Variants in SPHKAP observed in about 807,000 individuals in gnomAD.
SPHKAP encodes SPHK1 interactor, AKAP domain containing.
In SPHKAP, 67 loss-of-function variants were observed where a neutral mutation model predicts 137.5. That is an observed-to-expected ratio of 0.49 (90% CI 0.40 to 0.60). The LOEUF is 0.60. SPHKAP is among the 20% of genes least tolerant of loss of function. SPHKAP has a pLI of 0.00. For missense variants in SPHKAP, 2,097 were observed against 2,069.3 expected (o/e 1.01, Z -0.26); for synonymous variants, 813 against 785.3 (o/e 1.04, Z -0.59).
intron 1 of SPHKAP, among the ~76,000 whole-genome samples, chr2:228,141,888 C>A (rs1049185435): frequency 2.0e-5 from 3 of 152,124 alleles, no homozygotes; most frequent in Non-Finnish European, 4.4e-5. Flanking sequence ...TTAATGGTTA[C>A]ATTAAAAATA....
intron 1 of SPHKAP, among the ~76,000 whole-genome samples, chr2:228,141,222 A>G (rs899891061): frequency 6.6e-6 from 1 of 152,178 alleles, no homozygotes; most frequent in Non-Finnish European, 1.5e-5. Flanking sequence ...TCTACCAGTT[A>G]CTAGAGAGAT....
chr2:228,023,441 G>A (rs1359174176), intron 5 of SPHKAP, among the ~76,000 whole-genome samples: 1 of 152,178 alleles, frequency 6.6e-6, no homozygotes, highest in Non-Finnish European at 1.5e-5. Flanking sequence ...TGTTGGAGAT[G>A]TGTACATGCA....
At chr2:228,109,435 A>G (rs912752859) in intron 2 of SPHKAP, 1 of 912,704 alleles carries the variant, frequency 1.1e-6, no homozygotes, top group African/African-American at 1.8e-5. Flanking sequence ...GTACTATGTT[A>G]AGTTTAAAAG....
intron 7 of SPHKAP, among the ~76,000 whole-genome samples, chr2:228,005,399 G>C (rs1295510761): frequency 6.6e-6 from 1 of 152,026 alleles, no homozygotes; most frequent in Non-Finnish European, 1.5e-5. Context: ...TTTTCCATTT[G>C]CTTGGTAGAT....
chr2:228,143,255 G>C (rs1181306615), intron 1 of SPHKAP, among the ~76,000 whole-genome samples: 1 of 151,930 alleles, frequency 6.6e-6, no homozygotes, highest in East Asian at 1.9e-4. Context: ...TAAAATATAA[G>C]ACTGGGCCAG....
At chr2:228,144,342 T>C (rs1406683252) in intron 1 of SPHKAP, among the ~76,000 whole-genome samples, 1 of 152,226 alleles carries the variant, frequency 6.6e-6, no homozygotes, top group Non-Finnish European at 1.5e-5. Flanking sequence ...ATTTCATGAA[T>C]GCACTTATCT....
At chr2:228,063,043 A>T (rs988321671) in intron 3 of SPHKAP, among the ~76,000 whole-genome samples, 1 of 152,188 alleles carries the variant, frequency 6.6e-6, no homozygotes, top group African/African-American at 2.4e-5. Flanking sequence ...GTTCTAGGTG[A>T]GAATACTGTT....
In SPHKAP at chr2:228,181,471, A is replaced by G. The variant is rs1407919485; in HGVS notation, c.32+96T>C. 6.4e-7 allele frequency: 1 copy of G among 1,571,102 alleles called. No individual in the cohort carries two copies. Among genetic ancestry groups the G allele is most frequent in the African/African-American group, 1.3e-5 (1 of 74,088 alleles). On this transcript the variant is annotated intron_variant, in intron 1 of 11. Coordinates refer to ENST00000392056, the MANE Select transcript of SPHKAP (RefSeq NM_001142644.2). The surrounding 1 kb of genome is among the most constrained non-coding windows in gnomAD (Gnocchi z 4.3). ...TGTCTCCTCGCTGGGAGCCCCGTGC[A>G]AACCGAAGCGCTCTGGGGCAAGTTG...
chr2:227,990,601 C>T (rs1397740571), intron 11 of SPHKAP, among the ~76,000 whole-genome samples: 1 of 152,124 alleles, frequency 6.6e-6, no homozygotes, highest in African/African-American at 2.4e-5. Flanking sequence ...TTAAAAATGC[C>T]TTCTCTTGGC....
chr2:228,142,409 T>C (rs938040729), intron 1 of SPHKAP, among the ~76,000 whole-genome samples: 10 of 151,924 alleles, frequency 6.6e-5, no homozygotes, highest in Admixed American at 1.3e-4. Context: ...GAGGCAGAGC[T>C]TGCAGTGAGC....
intron 3 of SPHKAP, among the ~76,000 whole-genome samples, chr2:228,092,281 G>A (rs1416361447): frequency 2.5e-5 from 3 of 120,984 alleles, no homozygotes; most frequent in African/African-American, 6.2e-5. Flanking sequence ...ACACGTGTAT[G>A]TGCGTGTATA....
intron 1 of SPHKAP, among the ~76,000 whole-genome samples, chr2:228,166,726 A>G (rs967672899): frequency 6.6e-6 from 1 of 152,204 alleles, no homozygotes; most frequent in African/African-American, 2.4e-5. Context: ...ACTATGATCT[A>G]TAAGAGCTGA....
At chr2:228,095,626 A>C (rs1397104133) in intron 3 of SPHKAP, among the ~76,000 whole-genome samples, 1 of 152,196 alleles carries the variant, frequency 6.6e-6, no homozygotes. Flanking sequence ...GCTAGAGAGA[A>C]GAGATAGTAT....
intron 3 of SPHKAP, among the ~76,000 whole-genome samples, chr2:228,061,496 T>C (rs940465494): frequency 2.0e-5 from 3 of 152,064 alleles, no homozygotes; most frequent in African/African-American, 4.8e-5. Context: ...GGTCTTGAAC[T>C]CCTGACCTCA....
chr2:228,116,885 G>T (rs935257259), intron 2 of SPHKAP, among the ~76,000 whole-genome samples: 70 of 152,182 alleles, frequency 4.6e-4, no homozygotes, highest in African/African-American at 1.7e-3. Flanking sequence ...TAATCCACAG[G>T]TTTAATAAAC....
intron 3 of SPHKAP, among the ~76,000 whole-genome samples, chr2:228,031,673 T>C (rs2396524): frequency 0.59 from 89,196 of 151,972 alleles, 27,044 homozygotes; most frequent in African/African-American, 0.74. Flanking sequence ...ACAAAACTTC[T>C]AGAAGAACGA....
At chr2:228,130,792 CT>C (rs1341128275) in intron 2 of SPHKAP, among the ~76,000 whole-genome samples, 1 of 151,992 alleles carries the variant, frequency 6.6e-6, no homozygotes, top group Non-Finnish European at 1.5e-5. Context: ...ATTATAGCGC[CT>C]TAGTTCCCTG....
chr2:228,029,191 T>G (rs1280154329), intron 3 of SPHKAP, among the ~76,000 whole-genome samples: 1 of 152,238 alleles, frequency 6.6e-6, no homozygotes, highest in Non-Finnish European at 1.5e-5. Context: ...TCCAAAGGTT[T>G]TTATTTCTAA....
intron 3 of SPHKAP, among the ~76,000 whole-genome samples, chr2:228,042,526 GC>G (rs1391302979): frequency 6.6e-6 from 1 of 151,892 alleles, no homozygotes. Context: ...CCTTTTCCCA[GC>G]CCTAGGCAAC....
Sources: gnomAD v4.1 joint callset for allele counts (sites outside exome capture counted in the v4.1 genomes callset) on GRCh38, gnomAD v4.1.1 for gene constraint, Gnocchi (gnomAD v3.1) non-coding constraint, MANE v1.5 for transcripts, NCBI Gene and HGNC (gene_info 2026-07-23, HGNC 2026-07-21) for gene names.